The following PIK3R4 variants were observed in gnomAD, a reference collection of about 807,000 sequenced individuals.
PIK3R4 encodes the protein phosphoinositide 3-kinase regulatory subunit 4.
PIK3R4 carries 46 observed loss-of-function variants against 136.5 expected under a neutral mutation model. That is an observed-to-expected ratio of 0.34 (90% CI 0.27 to 0.43). The LOEUF (loss-of-function observed/expected upper bound fraction) is 0.43. Ranked by LOEUF, PIK3R4 falls within the 20% of genes least tolerant of loss-of-function variation. The pLI is 1.00. For synonymous variants in PIK3R4, 557 were observed against 566.7 expected, an observed-to-expected ratio of 0.98 and a Z score of 0.24; for missense variants, 1,331 against 1,649.5, an observed-to-expected ratio of 0.81 and a Z score of 3.35.
At chr3:130,744,344 G>A (rs1048278511) in intron 2 of PIK3R4, 142 bp downstream of exon 2, 20 of 833,826 alleles carry the variant, frequency 2.4e-5, no homozygotes, top group Non-Finnish European at 3.6e-5. Context: ...ATGCAGGAAT[G>A]CTGCCTCTAA....
At chr3:130,742,798 G>A (rs183703147) in intron 2 of PIK3R4, among the ~76,000 whole-genome samples, 43 of 152,224 alleles carry the variant, frequency 2.8e-4, no homozygotes, top group Non-Finnish European at 5.7e-4. Context: ...AAATGGCACC[G>A]ATGCCAGATT....
At chr3:130,742,144 G>T (rs1223240023) in intron 2 of PIK3R4, among the ~76,000 whole-genome samples, 1 of 152,168 alleles carries the variant, frequency 6.6e-6, no homozygotes, top group Non-Finnish European at 1.5e-5. Context: ...CATCAAGAGG[G>T]GAAAGTAGCA....
Position 130,686,388 on chromosome 3 carries a change from C to A in PIK3R4, c.3298G>T (p.Asp1100Tyr). 6.2e-7 allele frequency: 1 copy of A among 1,612,232 alleles called. No individual in the cohort carries two copies. Among genetic ancestry groups the A allele is most frequent in the Non-Finnish European group, 8.5e-7 (1 of 1,178,322 alleles). ...GCTCCAGAGTTGAAGTGATGCATAT[C>A]CACAACACAACCGTCCTCCTTCTGA... is the stretch of plus-strand genomic sequence containing the variant. The part of the protein sequence containing the change: ...LDQKEDGCVV[D>Y]MHHFNSGAQS... Residue 1100 changes from aspartate (D) to tyrosine (Y), a missense_variant, in exon 15 of 20, where the codon GAT becomes TAT. Physicochemically the swap from Asp to Tyr is radical, Grantham distance 160 (BLOSUM62 -3). Around this residue, in one of 2 missense-constraint regions of PIK3R4, gnomAD observed 1,180 missense variants for 1,407.0 expected, o/e 0.84. Transcript: ENST00000356763.
chr3:130,708,977 C>T (rs1230461335), intron 9 of PIK3R4, among the ~76,000 whole-genome samples: 1 of 152,040 alleles, frequency 6.6e-6, no homozygotes, highest in Non-Finnish European at 1.5e-5. Context: ...ATAAAATATA[C>T]CATGCAACTA....
intron 7 of PIK3R4, among the ~76,000 whole-genome samples, chr3:130,721,337 A>C (rs2066699121): frequency 1.6e-5 from 2 of 128,280 alleles, no homozygotes; most frequent in South Asian, 2.3e-4. Flanking sequence ...ACTCCGTCTC[A>C]AAAAAAAAAA....
intron 13 of PIK3R4, among the ~76,000 whole-genome samples, chr3:130,692,703 T>G (rs56270945): frequency 2.0e-5 from 3 of 152,202 alleles, no homozygotes; most frequent in African/African-American, 7.2e-5. Context: ...TCAAACACAA[T>G]GCCCACAGGG....
chr3:130,681,392 A>G, intron 17 of PIK3R4, 99 bp downstream of exon 17: 1 of 811,522 alleles, frequency 1.2e-6, no homozygotes, highest in Non-Finnish European at 2.1e-6. Flanking sequence ...TTTAAACATA[A>G]CCCAAAAGCC....
chr3:130,729,348 T>G (rs903555892), intron 5 of PIK3R4, among the ~76,000 whole-genome samples: 6 of 152,220 alleles, frequency 3.9e-5, no homozygotes, highest in South Asian at 4.1e-4. Context: ...GATGCAGAGC[T>G]AATCTTTAAC....
intron 12 of PIK3R4, among the ~76,000 whole-genome samples, chr3:130,704,337 TA>T (rs2066595460): frequency 6.6e-6 from 1 of 152,220 alleles, no homozygotes; most frequent in South Asian, 2.1e-4. Context: ...TCACTGTTTT[TA>T]AAGTTGTGCT....
rs2066853765 is a variant in PIK3R4, at chr3:130,746,445, A to T, written c.-174T>A. The T allele has an allele frequency of 6.6e-6, 1 of 152,268 alleles. No homozygotes were observed. The highest frequency in any genetic ancestry group is 2.4e-5 in the African/African-American group (1 of 41,424). The allele number at this position is 152,268 out of a possible 1,614,324, so 9.4% of individuals were successfully genotyped here. On this transcript the variant is annotated 5_prime_UTR_variant, in exon 1 of 20. An upstream start codon of the reference 5' UTR is lost. Transcript: ENST00000356763. ...TTGTTTCTACGAAGGGTCTTTCTTCATAGACAGGAGATGGGCTGTTGGTGG... is the reference window on the plus strand; with the variant it reads ...TTGTTTCTACGAAGGGTCTTTCTTCTTAGACAGGAGATGGGCTGTTGGTGG...
chr3:130,721,179 CAAA>C (rs530043872), intron 7 of PIK3R4, among the ~76,000 whole-genome samples: 1 of 150,776 alleles, frequency 6.6e-6, no homozygotes, highest in Non-Finnish European at 1.5e-5. Flanking sequence ...ACTAAAAATA[CAAA>C]AAAAATTAGC....
At chr3:130,712,710 C>A (rs1245973244) in intron 9 of PIK3R4, among the ~76,000 whole-genome samples, 1 of 151,968 alleles carries the variant, frequency 6.6e-6, no homozygotes, top group African/African-American at 2.4e-5. Flanking sequence ...CAATTCCTAT[C>A]TCCAAAGCCT....
rs1421015939 is a variant in PIK3R4 at position 130,746,692 on chromosome 3, C to T, written c.-421G>A. 1 of 152,320 alleles carries T rather than the reference C, an allele frequency of 6.6e-6. No homozygotes were observed. Among genetic ancestry groups the T allele is most frequent in the Non-Finnish European group, 1.5e-5 (1 of 68,166 alleles). The allele number at this position is 152,320 out of a possible 1,614,324, so 9.4% of individuals were successfully genotyped here. A position where few individuals can be genotyped will look rare whatever the true frequency, so the allele number is the denominator to read the frequency against. On this transcript the variant is annotated 5_prime_UTR_variant, in exon 1 of 20. Coordinates refer to ENST00000356763, the MANE Select transcript of PIK3R4 (RefSeq NM_014602.3). ...TCGCTACACCCGTCCGAGCCCTCCT[C>T]GAGGGCCTCACCACCGGGCGGGGGG...
At chr3:130,681,690 T>A in intron 16 of PIK3R4, 99 bp from the exon 17 acceptor site, 1 of 649,632 alleles carries the variant, frequency 1.5e-6, no homozygotes, top group Admixed American at 2.8e-5. Flanking sequence ...AAGAAAAATT[T>A]CTTTCTTTCT....
At chr3:130,720,459 A>C (rs547906301) in intron 7 of PIK3R4, among the ~76,000 whole-genome samples, 1 of 152,230 alleles carries the variant, frequency 6.6e-6, no homozygotes, top group South Asian at 2.1e-4. Context: ...CCTCCCAATC[A>C]ATCTTTTCTT....
intron 13 of PIK3R4, 149 bp from the exon 14 acceptor site, chr3:130,690,803 G>T (rs889809179): frequency 1.7e-5 from 9 of 529,794 alleles, no homozygotes; most frequent in Admixed American, 3.5e-5. Context: ...CCTCTCAAAA[G>T]AACTGTTACA....
intron 13 of PIK3R4, among the ~76,000 whole-genome samples, chr3:130,692,621 T>G: frequency 6.6e-6 from 1 of 152,248 alleles, no homozygotes; most frequent in East Asian, 1.9e-4. Context: ...TGTGAGTCAT[T>G]TCCACCTTTT....
intron 15 of PIK3R4, 107 bp downstream of exon 15, chr3:130,686,104 G>T (rs1484692356): frequency 4.3e-5 from 28 of 648,924 alleles, no homozygotes; most frequent in Non-Finnish European, 6.8e-5. Flanking sequence ...AAAAAAAGAC[G>T]GGAAAAATTA....
intron 13 of PIK3R4, among the ~76,000 whole-genome samples, chr3:130,692,207 A>C (rs1282843418): frequency 6.6e-6 from 1 of 152,134 alleles, no homozygotes; most frequent in Non-Finnish European, 1.5e-5. Flanking sequence ...CTTTGCTGAA[A>C]TGATTTTCAA....
Sources: allele counts gnomAD v4.1 joint callset (sites outside exome capture counted in the v4.1 genomes callset), GRCh38; gene constraint gnomAD v4.1.1; regional missense constraint gnomAD v4.1.1; transcripts MANE v1.5; gene names NCBI Gene and HGNC (gene_info 2026-07-23, HGNC 2026-07-21).